PPP1R12A: variants seen among roughly 807,000 people sequenced by gnomAD.
The protein encoded by PPP1R12A is protein phosphatase 1 regulatory subunit 12A, also known as myosin binding subunit.
PPP1R12A carries 19 observed loss-of-function variants against 139.6 expected under a neutral mutation model. That is an observed-to-expected ratio of 0.14 (90% CI 0.09 to 0.20). The LOEUF is 0.20. Ranked by LOEUF, PPP1R12A falls within the 10% of genes least tolerant of loss-of-function variation. The pLI is 1.00. For synonymous variants in PPP1R12A, 427 were observed against 420.6 expected (o/e 1.02, Z -0.19); for missense variants, 925 against 1,211.5 (o/e 0.76, Z 3.51).
chr12:79,807,127 A>T, intron 12 of PPP1R12A, 99 bp downstream of exon 12: 2 of 632,702 alleles, frequency 3.2e-6, no homozygotes, highest in Non-Finnish European at 5.2e-6. Flanking sequence ...ATAAAAACAC[A>T]TATTTGTTTA....
intron 8 of PPP1R12A, among the ~76,000 whole-genome samples, chr12:79,819,946 C>T (rs1423332815): frequency 1.4e-5 from 2 of 147,248 alleles, no homozygotes; most frequent in African/African-American, 5.0e-5. Context: ...AAAAAAAATG[C>T]AGATCAAGTT....
chr12:79,824,219 A>G (rs940916114), intron 5 of PPP1R12A, among the ~76,000 whole-genome samples: 21 of 152,306 alleles, frequency 1.4e-4, no homozygotes, highest in African/African-American at 5.1e-4. Flanking sequence ...TAGTTTTGCT[A>G]TATCATATGC....
At chr12:79,786,579 C>T (rs1253900361) in intron 21 of PPP1R12A, 101 bp from the exon 22 acceptor site, 2 of 697,850 alleles carry the variant, frequency 2.9e-6, no homozygotes, top group Non-Finnish European at 2.3e-6. Flanking sequence ...CTTAATGTAG[C>T]ATATGAGCTA....
intron 1 of PPP1R12A, among the ~76,000 whole-genome samples, chr12:79,893,914 C>A (rs941943363): frequency 4.6e-5 from 7 of 152,162 alleles, no homozygotes; most frequent in Non-Finnish European, 8.8e-5. Context: ...GTTATCCTAG[C>A]ATCCCTTTGT....
intron 1 of PPP1R12A, among the ~76,000 whole-genome samples, chr12:79,903,192 C>T (rs945668139): frequency 3.9e-5 from 6 of 152,128 alleles, no homozygotes; most frequent in Admixed American, 1.3e-4. Flanking sequence ...TGGCTCATGT[C>T]TGTAAATCCC....
intron 1 of PPP1R12A, among the ~76,000 whole-genome samples, chr12:79,875,831 T>C (rs1883048249): frequency 6.6e-6 from 1 of 152,154 alleles, no homozygotes; most frequent in Non-Finnish European, 1.5e-5. Flanking sequence ...CCCATCCCCT[T>C]AAAAGAGGCT....
At chr12:79,916,419 T>C (rs1353629170) in intron 1 of PPP1R12A, among the ~76,000 whole-genome samples, 1 of 152,224 alleles carries the variant, frequency 6.6e-6, no homozygotes, top group African/African-American at 2.4e-5. Flanking sequence ...GCTTTATACA[T>C]TCATAAAGAA....
chr12:79,813,090 C>T (rs1407964057), intron 9 of PPP1R12A, among the ~76,000 whole-genome samples: 4 of 152,284 alleles, frequency 2.6e-5, no homozygotes, highest in East Asian at 1.9e-4. Flanking sequence ...ACATCTTCCA[C>T]GACTACTACT....
chr12:79,891,757 C>T lies in PPP1R12A; in HGVS notation c.238-18819G>A, dbSNP rs138887746. On this transcript the variant is annotated intron_variant, in intron 1 of 24. Coordinates refer to ENST00000450142, the MANE Select transcript of PPP1R12A (RefSeq NM_002480.3). Reference sequence around the variant, plus strand: ...GGCATGCACCCTCCTCTCTTGCTCTCTCCTGGATCACTCACAACCTGGGAT... The same window carrying T: ...GGCATGCACCCTCCTCTCTTGCTCTTTCCTGGATCACTCACAACCTGGGAT... Among the ~76,000 whole-genome samples the T allele has an allele frequency of 4.6e-5, 7 of 152,308 alleles. No homozygotes were observed. The East Asian group carries it at 1.4e-3, about 29-fold the overall frequency.
intron 1 of PPP1R12A, among the ~76,000 whole-genome samples, chr12:79,925,592 C>T (rs1308649967): frequency 1.3e-5 from 2 of 152,134 alleles, no homozygotes; most frequent in East Asian, 3.8e-4. Context: ...CTGAGGAATG[C>T]TTTCACTTCT....
intron 1 of PPP1R12A, among the ~76,000 whole-genome samples, chr12:79,889,845 A>G (rs762337235): frequency 1.3e-5 from 2 of 152,188 alleles, no homozygotes; most frequent in South Asian, 2.1e-4. Context: ...TTCCATGTCC[A>G]GTGAAGGTCT....
At chr12:79,893,955 C>G (rs1884896865) in intron 1 of PPP1R12A, among the ~76,000 whole-genome samples, 1 of 152,112 alleles carries the variant, frequency 6.6e-6, no homozygotes. Flanking sequence ...GAATGTTCAC[C>G]TCATTATCAC....
At chr12:79,846,720 C>T (rs772408741) in intron 2 of PPP1R12A, among the ~76,000 whole-genome samples, 2 of 151,618 alleles carry the variant, frequency 1.3e-5, no homozygotes, top group Non-Finnish European at 2.9e-5. Context: ...TGAGCCACCA[C>T]GCCTGGCCTA....
At chr12:79,838,110 C>T (rs1878300503) in intron 3 of PPP1R12A, among the ~76,000 whole-genome samples, 1 of 152,190 alleles carries the variant, frequency 6.6e-6, no homozygotes, top group Admixed American at 6.5e-5. Flanking sequence ...GACCAAAATG[C>T]TGATAGTGAT....
At position 79,806,162 on chromosome 12, in the gene PPP1R12A, TTACCTGCTTTGTG is replaced by T. The variant is rs558269711; in HGVS notation, c.1814_1823+3del. On this transcript the variant is annotated splice_donor_variant and splice_donor_region_variant and coding_sequence_variant and intron_variant, in exon 13 of 25. Transcript: ENST00000450142. LOFTEE classifies it high-confidence loss of function. ...CCTGAGCACAAAATGTATCTGTGAC[TTACCTGCTTTGTG>T]TGCCTGCTGAGGAAGAACCCGTTGT... 1 of 1,613,652 alleles carries T rather than the reference TTACCTGCTTTGTG, an allele frequency of 6.2e-7. No individual in the cohort carries two copies. The highest frequency in any genetic ancestry group is 2.2e-5 in the East Asian group (1 of 44,880).
At chr12:79,919,703 T>G (rs1887292571) in intron 1 of PPP1R12A, among the ~76,000 whole-genome samples, 1 of 152,192 alleles carries the variant, frequency 6.6e-6, no homozygotes, top group African/African-American at 2.4e-5. Context: ...TCCAGTAGAC[T>G]ACAAGCTGTG....
chr12:79,821,232 T>C, intron 6 of PPP1R12A, 66 bp from the exon 7 acceptor site: 6 of 1,106,402 alleles, frequency 5.4e-6, no homozygotes, highest in Non-Finnish European at 8.0e-6. Context: ...AGATGCAGAG[T>C]TTAAAATAAT....
chr12:79,821,710 G>A (rs145679535), intron 6 of PPP1R12A, among the ~76,000 whole-genome samples: 41 of 150,098 alleles, frequency 2.7e-4, no homozygotes, highest in African/African-American at 9.6e-4. Context: ...TTGAGATCGC[G>A]CCACTGTACT....
chr12:79,797,403 C>A lies in PPP1R12A; in HGVS notation c.2092-8G>T, dbSNP rs1158015601. 6.4e-7 allele frequency: 1 copy of A among 1,572,094 alleles called. No individual in the cohort carries two copies. The highest frequency in any genetic ancestry group is 8.6e-7 in the Non-Finnish European group (1 of 1,163,500). On this transcript the variant is annotated splice_polypyrimidine_tract_variant and splice_region_variant and intron_variant, in intron 15 of 24. Transcript: ENST00000450142. ...ATCAGTTAATGTCACTCCCTGCACA[C>A]ACAAAAAGATCAATATAATTATGAG...
Sources: allele counts gnomAD v4.1 joint callset (sites outside exome capture counted in the v4.1 genomes callset), GRCh38; gene constraint gnomAD v4.1.1; transcripts MANE v1.5; gene names NCBI Gene and HGNC (gene_info 2026-07-23, HGNC 2026-07-21).